TPRG1: variants seen among roughly 807,000 people sequenced by gnomAD.
The protein encoded by TPRG1 is tumor protein p63 regulated 1.
A neutral mutation model predicts 29.3 loss-of-function variants in TPRG1; 29 were observed. The observed-to-expected ratio is 0.99, with a 90% CI of 0.74 to 1.35. TPRG1 has a LOEUF of 1.35. Among genes scored for constraint, TPRG1 ranks in the 40% most tolerant of loss-of-function variants. The probability of loss-of-function intolerance (pLI) is 0.00; values close to 1 mark genes in which losing one functional copy is unlikely to be tolerated. For missense variants in TPRG1, 327 were observed against 335.0 expected, an observed-to-expected ratio of 0.98 and a Z score of 0.19; for synonymous variants, 130 against 116.8, an observed-to-expected ratio of 1.11 and a Z score of -0.73.
chr3:189,068,450 T>C (rs1384457803), intron 4 of TPRG1, among the ~76,000 whole-genome samples: 1 of 152,150 alleles, frequency 6.6e-6, no homozygotes, highest in Non-Finnish European at 1.5e-5. Flanking sequence ...ATGGTACATA[T>C]ACACAACAGA....
chr3:189,099,516 G>A (rs966615426), upstream of TPRG1, among the ~76,000 whole-genome samples: 2 of 152,052 alleles, frequency 1.3e-5, no homozygotes, highest in African/African-American at 4.8e-5. Flanking sequence ...CCTGGAGGTG[G>A]AAGCATACCC....
intron 4 of TPRG1, among the ~76,000 whole-genome samples, chr3:189,295,496 CAAAAAAAAAAA>C (rs368195264): frequency 0.4 from 34,126 of 86,372 alleles, 4,953 homozygotes; most frequent in Middle Eastern, 0.54. Context: ...ACTCAGATTG[CAAAAAAAAAAA>C]AAAAAAAAAA....
chr3:189,016,125 G>T (rs957911501), intron 3 of TPRG1, among the ~76,000 whole-genome samples: 1 of 152,102 alleles, frequency 6.6e-6, no homozygotes, highest in African/African-American at 2.4e-5. Flanking sequence ...GAGCCACAGG[G>T]GTCGAGATGC....
At chr3:189,308,675 T>G (rs921929743) in intron 4 of TPRG1, among the ~76,000 whole-genome samples, 1 of 152,222 alleles carries the variant, frequency 6.6e-6, no homozygotes, top group African/African-American at 2.4e-5. Context: ...AAACTTCATT[T>G]GAGGTTTCCC....
chr3:189,237,835 C>A (rs569191771), intron 3 of TPRG1, among the ~76,000 whole-genome samples: 4 of 152,078 alleles, frequency 2.6e-5, no homozygotes, highest in Non-Finnish European at 5.9e-5. Flanking sequence ...GGTCATCAAT[C>A]AACATTTTCA....
At chr3:189,107,032 G>GT (rs936306639) in intron 1 of TPRG1, among the ~76,000 whole-genome samples, 5 of 151,268 alleles carry the variant, frequency 3.3e-5, no homozygotes, top group Admixed American at 6.6e-5. Flanking sequence ...AATAGCATTT[G>GT]TTTTTTTTGG....
At position 189,222,464 on chromosome 3, in the gene TPRG1, C is replaced by T. The variant is rs77594122; in HGVS notation, c.302+7081C>T. 2.8e-4 allele frequency among the ~76,000 whole-genome samples: 43 copies of T among 152,256 alleles called. 1 individual carries two copies. The highest frequency in any genetic ancestry group is 2.1e-3 in the South Asian group (10 of 4,824). On this transcript the variant is annotated intron_variant, in intron 3 of 5. Transcript: ENST00000345063. ...CTACTCAACCCCATGGATTTTTGTA[C>T]GCGCTCATCTAGTCTAGACCCCTGG...
At chr3:189,252,482 A>G (rs1742442613) in intron 4 of TPRG1, among the ~76,000 whole-genome samples, 1 of 152,172 alleles carries the variant, frequency 6.6e-6, no homozygotes, top group Admixed American at 6.5e-5. Flanking sequence ...TACCTCTATC[A>G]TAATTGGATT....
upstream of TPRG1, among the ~76,000 whole-genome samples, chr3:189,096,362 C>T (rs1560441240): frequency 1.3e-5 from 2 of 152,246 alleles, no homozygotes; most frequent in African/African-American, 4.8e-5. Flanking sequence ...CCCCTCTTCT[C>T]TCCACTTGAG....
At chr3:189,116,167 C>T (rs960490246) in intron 1 of TPRG1, among the ~76,000 whole-genome samples, 1 of 152,026 alleles carries the variant, frequency 6.6e-6, no homozygotes, top group African/African-American at 2.4e-5. Flanking sequence ...AACAAGGTCT[C>T]GAAGATATTA....
chr3:189,320,261 G>T (rs1577062295), intron 5 of TPRG1, among the ~76,000 whole-genome samples: 1 of 152,036 alleles, frequency 6.6e-6, no homozygotes, highest in African/African-American at 2.4e-5. Flanking sequence ...GTGACAAAGA[G>T]AGTCAGTTTA....
At chr3:189,058,230 T>C (rs1303721588) in intron 4 of TPRG1, among the ~76,000 whole-genome samples, 1 of 152,140 alleles carries the variant, frequency 6.6e-6, no homozygotes, top group African/African-American at 2.4e-5. Flanking sequence ...ACAAGTAATG[T>C]AAATATGTGT....
chr3:189,103,581 C>T (rs1268930824), intron 1 of TPRG1, among the ~76,000 whole-genome samples: 1 of 152,108 alleles, frequency 6.6e-6, no homozygotes, highest in South Asian at 2.1e-4. Flanking sequence ...GTTTTTTAAT[C>T]TTTTGGCTTA....
chr3:189,143,387 C>T (rs1248996183), intron 3 of TPRG1, among the ~76,000 whole-genome samples: 2 of 151,946 alleles, frequency 1.3e-5, no homozygotes, highest in Admixed American at 6.6e-5. Context: ...TACTGCCTGT[C>T]GATGATAAAT....
At chr3:189,188,931 A>C (rs1029451250) in intron 1 of TPRG1, among the ~76,000 whole-genome samples, 15 of 152,148 alleles carry the variant, frequency 9.9e-5, no homozygotes, top group Admixed American at 2.6e-4. Flanking sequence ...TCTTCTCCTG[A>C]CTTTTACTTT....
At chr3:189,306,733 A>G (rs1393945048) in intron 4 of TPRG1, among the ~76,000 whole-genome samples, 1 of 152,184 alleles carries the variant, frequency 6.6e-6, no homozygotes, top group Non-Finnish European at 1.5e-5. Flanking sequence ...AGTGGGTAGT[A>G]TGGTTCATAG....
intron 4 of TPRG1, among the ~76,000 whole-genome samples, chr3:189,261,429 A>G (rs1442023119): frequency 6.6e-6 from 1 of 151,764 alleles, no homozygotes; most frequent in East Asian, 1.9e-4. Context: ...AAAAAAAAAG[A>G]AAAAAGCCAT....
chr3:189,280,430 C>A (rs181917000), intron 4 of TPRG1, among the ~76,000 whole-genome samples: 1 of 152,248 alleles, frequency 6.6e-6, no homozygotes, highest in East Asian at 1.9e-4. Context: ...TGAGAGGAGA[C>A]TCAGTTCATA....
At chr3:189,244,736 A>G (rs746051756) in intron 4 of TPRG1, among the ~76,000 whole-genome samples, 34 of 152,272 alleles carry the variant, frequency 2.2e-4, no homozygotes, top group Non-Finnish European at 3.8e-4. Flanking sequence ...ACTGGGGATT[A>G]CAATTCAAGA....
Sources: allele counts gnomAD v4.1 joint callset (sites outside exome capture counted in the v4.1 genomes callset), GRCh38; gene constraint gnomAD v4.1.1; transcripts MANE v1.5; gene names NCBI Gene and HGNC (gene_info 2026-07-23, HGNC 2026-07-21).